CNTN1: variants seen among roughly 807,000 people sequenced by gnomAD.
The protein encoded by CNTN1 is contactin 1, also known as contactin-1.
CNTN1 carries 38 observed loss-of-function variants against 126.4 expected under a neutral mutation model. That is an observed-to-expected ratio of 0.30 (90% CI 0.23 to 0.39). The LOEUF (loss-of-function observed/expected upper bound fraction) is 0.39. Among genes scored for constraint, CNTN1 ranks in the 10% least tolerant of loss-of-function variants. The pLI, the probability that CNTN1 is intolerant of heterozygous loss-of-function variation, is 1.00. For synonymous variants in CNTN1, 413 were observed against 422.6 expected (o/e 0.98, Z 0.28); for missense variants, 1,009 against 1,248.4 (o/e 0.81, Z 2.89).
intron 17 of CNTN1, among the ~76,000 whole-genome samples, chr12:41,008,499 T>C (rs1039575733): frequency 5.9e-5 from 9 of 152,198 alleles, no homozygotes. Flanking sequence ...ACTTGCAATA[T>C]GATTGGGAGA....
intron 1 of CNTN1, among the ~76,000 whole-genome samples, chr12:40,735,549 T>A (rs1937635116): frequency 6.6e-6 from 1 of 152,064 alleles, no homozygotes; most frequent in South Asian, 2.1e-4. Context: ...TATAAGGGAA[T>A]CCTAACTGTG....
intron 1 of CNTN1, among the ~76,000 whole-genome samples, chr12:40,800,837 T>A (rs1019437849): frequency 6.6e-6 from 1 of 151,928 alleles, no homozygotes; most frequent in Admixed American, 6.6e-5. Context: ...TAATAACAGC[T>A]AATCAGTGTT....
chr12:40,984,903 T>A (rs1947914815), intron 16 of CNTN1, among the ~76,000 whole-genome samples: 1 of 152,108 alleles, frequency 6.6e-6, no homozygotes, highest in East Asian at 1.9e-4. Flanking sequence ...CTACAATTAC[T>A]TTTAAATAAG....
chr12:40,715,758 C>A (rs1288304774), intron 1 of CNTN1, among the ~76,000 whole-genome samples: 1 of 152,146 alleles, frequency 6.6e-6, no homozygotes, highest in Non-Finnish European at 1.5e-5. Flanking sequence ...CTAGTAAATG[C>A]ACCCTTGAGA....
chr12:40,744,484 T>C (rs1938097126), intron 1 of CNTN1, among the ~76,000 whole-genome samples: 2 of 152,060 alleles, frequency 1.3e-5, no homozygotes. Context: ...TTTTCTAGCA[T>C]GGTAGCATAA....
At chr12:40,868,676 A>G (rs1038746312) in intron 1 of CNTN1, among the ~76,000 whole-genome samples, 2 of 151,978 alleles carry the variant, frequency 1.3e-5, no homozygotes, top group African/African-American at 4.8e-5. Context: ...TCTGGGTGAT[A>G]GGTTGCCATT....
At chr12:41,024,264 G>T (rs144620934) in intron 20 of CNTN1, among the ~76,000 whole-genome samples, 1 of 152,000 alleles carries the variant, frequency 6.6e-6, no homozygotes, top group South Asian at 2.1e-4. Flanking sequence ...TTACAATCCC[G>T]TTATTTTATA....
intron 1 of CNTN1, among the ~76,000 whole-genome samples, chr12:40,744,233 G>A (rs1174784929): frequency 6.6e-6 from 1 of 151,628 alleles, no homozygotes; most frequent in African/African-American, 2.4e-5. Flanking sequence ...AAACCACCAT[G>A]ACACACATTT....
chr12:40,932,651 G>T (rs1183286692), intron 7 of CNTN1, among the ~76,000 whole-genome samples: 1 of 151,814 alleles, frequency 6.6e-6, no homozygotes, highest in Non-Finnish European at 1.5e-5. Context: ...TATGGTGTTT[G>T]CTCAAGCTAA....
At position 40,980,958 on chromosome 12, in the gene CNTN1, T is replaced by G. The variant is rs1456731649; in HGVS notation, c.1854T>G (p.Thr618=). The G allele has an allele frequency of 1.6e-5, 26 of 1,613,766 alleles. No homozygotes were observed. The highest frequency in any genetic ancestry group is 2.1e-5 in the Non-Finnish European group (25 of 1,179,836). ...TGAGAATAGAAGACATTAGAGCCAC[T>G]TCTGTGGCACTTACTTGGAGCCGTG... is the stretch of plus-strand genomic sequence containing the variant. ...GGLRIEDIRA[T]SVALTWSRGS... is the part of the protein sequence containing the mutation. The change falls in exon 16 of 24, where the codon ACT becomes ACG. Residue 618 remains threonine (T), a synonymous_variant. Transcript: ENST00000551295.
chr12:40,722,709 A>G (rs1942249194), intron 1 of CNTN1, among the ~76,000 whole-genome samples: 1 of 152,188 alleles, frequency 6.6e-6, no homozygotes, highest in Non-Finnish European at 1.5e-5. Context: ...TTAATGTAGA[A>G]TAAGTCTAGT....
intron 2 of CNTN1, among the ~76,000 whole-genome samples, chr12:40,909,757 T>TAA (rs1385165683): frequency 2.0e-5 from 3 of 151,482 alleles, no homozygotes; most frequent in African/African-American, 7.3e-5. Context: ...TACATATATA[T>TAA]AATGTAAATA....
At chr12:40,773,558 A>G (rs1939429971) in intron 1 of CNTN1, among the ~76,000 whole-genome samples, 1 of 150,414 alleles carries the variant, frequency 6.6e-6, no homozygotes, top group Non-Finnish European at 1.5e-5. Flanking sequence ...AACAAAACAA[A>G]ACAGTGTTAG....
At chr12:40,990,706 A>G (rs981119572) in intron 16 of CNTN1, among the ~76,000 whole-genome samples, 1 of 152,178 alleles carries the variant, frequency 6.6e-6, no homozygotes, top group African/African-American at 2.4e-5. Flanking sequence ...CAGCTTCTCC[A>G]CACATCCACC....
chr12:40,838,822 A>C (rs1196723245), intron 1 of CNTN1, among the ~76,000 whole-genome samples: 1 of 152,188 alleles, frequency 6.6e-6, no homozygotes, highest in Non-Finnish European at 1.5e-5. Flanking sequence ...CAGTTACACC[A>C]TATGTGCAGA....
Position 40,723,775 on chromosome 12 carries a change from A to G in CNTN1, c.-77+31183A>G, listed in dbSNP as rs1475602710. Among the ~76,000 whole-genome samples the G allele has an allele frequency of 2.0e-5, 3 of 152,202 alleles. No homozygotes were observed. In the East Asian group the frequency reaches 5.8e-4, roughly 29 times the overall value. On this transcript the variant is annotated intron_variant, in intron 1 of 23. Coordinates refer to ENST00000551295, the MANE Select transcript of CNTN1 (RefSeq NM_001843.4). ...AACATATTTCTGCTAGATATAGTGAAGTCATACTAGTTTGAAGGAACTACT... is the reference window on the plus strand; with the variant it reads ...AACATATTTCTGCTAGATATAGTGAGGTCATACTAGTTTGAAGGAACTACT...
chr12:40,929,354 A>G (rs1168335427), intron 6 of CNTN1, among the ~76,000 whole-genome samples: 1 of 129,052 alleles, frequency 7.7e-6, no homozygotes, highest in Non-Finnish European at 1.6e-5. Flanking sequence ...ACACACACAC[A>G]AAAAAAAAAA....
chr12:41,033,580 T>C (rs531516660), intron 23 of CNTN1, among the ~76,000 whole-genome samples: 1 of 152,320 alleles, frequency 6.6e-6, no homozygotes, highest in South Asian at 2.1e-4. Flanking sequence ...TGAACATTTT[T>C]CTACGGAAAA....
intron 3 of CNTN1, among the ~76,000 whole-genome samples, chr12:40,911,959 T>G (rs1184118717): frequency 2.0e-5 from 3 of 151,760 alleles, no homozygotes; most frequent in Non-Finnish European, 2.9e-5. Context: ...GAGGAGCTGA[T>G]TAGTCAACCA....
Sources: gnomAD v4.1 joint callset for allele counts (sites outside exome capture counted in the v4.1 genomes callset) on GRCh38, gnomAD v4.1.1 for gene constraint, MANE v1.5 for transcripts, NCBI Gene and HGNC (gene_info 2026-07-23, HGNC 2026-07-21) for gene names.